The following PALM2AKAP2 variants were observed in gnomAD, a reference collection of about 807,000 sequenced individuals.
PALM2AKAP2 encodes PALM2 and AKAP2 fusion, also known as PALM2-AKAP2 fusion protein.
In PALM2AKAP2, 37 loss-of-function variants were observed where a neutral mutation model predicts 71.5. That is an observed-to-expected ratio of 0.52 (90% CI 0.40 to 0.68). The LOEUF (loss-of-function observed/expected upper bound fraction) is 0.68. Among genes scored for constraint, PALM2AKAP2 ranks in the 30% least tolerant of loss-of-function variants. The pLI is 0.00. For synonymous variants in PALM2AKAP2, 468 were observed against 478.8 expected (o/e 0.98, Z 0.29); for missense variants, 1,224 against 1,191.8 (o/e 1.03, Z -0.40).
chr9:109,796,233 A>ATTG (rs1827248459), intron 1 of PALM2AKAP2, among the ~76,000 whole-genome samples: 1 of 152,244 alleles, frequency 6.6e-6, no homozygotes. Context: ...ATATATAGTC[A>ATTG]GCAAAATATT....
intron 3 of PALM2AKAP2, among the ~76,000 whole-genome samples, chr9:109,917,833 G>A (rs933258715): frequency 6.6e-6 from 1 of 152,116 alleles, no homozygotes; most frequent in Non-Finnish European, 1.5e-5. Context: ...AGTCCCTTCG[G>A]ATCATTTTTA....
chr9:109,769,244 C>A (rs1829215804), intron 1 of PALM2AKAP2, among the ~76,000 whole-genome samples: 1 of 152,096 alleles, frequency 6.6e-6, no homozygotes, highest in South Asian at 2.1e-4. Flanking sequence ...ATATTCTTAG[C>A]AAATAAACGT....
At chr9:109,726,423 G>T (rs1301751170) in intron 1 of PALM2AKAP2, among the ~76,000 whole-genome samples, 1 of 152,250 alleles carries the variant, frequency 6.6e-6, no homozygotes, top group Non-Finnish European at 1.5e-5. Context: ...CAGTGGTGGG[G>T]CTGTTGTGTT....
chr9:109,864,301 G>C (rs1829389043), intron 1 of PALM2AKAP2, among the ~76,000 whole-genome samples: 1 of 152,214 alleles, frequency 6.6e-6, no homozygotes, highest in South Asian at 2.1e-4. Context: ...AATGGGCTCA[G>C]CCTTACTGCT....
chr9:109,884,077 G>T (rs1324199577), intron 3 of PALM2AKAP2, among the ~76,000 whole-genome samples: 1 of 152,218 alleles, frequency 6.6e-6, no homozygotes, highest in African/African-American at 2.4e-5. Context: ...GAATAATTCA[G>T]TTTTCCAGGA....
intron 1 of PALM2AKAP2, among the ~76,000 whole-genome samples, chr9:109,751,799 G>A (rs1296091575): frequency 6.6e-6 from 1 of 151,696 alleles, no homozygotes; most frequent in East Asian, 1.9e-4. Context: ...ATCCATCACC[G>A]AGTAAAGAGC....
intron 3 of PALM2AKAP2, 41 bp downstream of exon 10, chr9:110,162,173 G>A: frequency 2.5e-6 from 4 of 1,609,690 alleles, no homozygotes; most frequent in Non-Finnish European, 3.4e-6. Flanking sequence ...CTGAATGCAT[G>A]ATCCAGGTGC....
intron 3 of PALM2AKAP2, among the ~76,000 whole-genome samples, chr9:110,160,604 A>T (rs1439178321): frequency 6.6e-6 from 1 of 152,210 alleles, no homozygotes; most frequent in Admixed American, 6.5e-5. Context: ...ACATGACTGT[A>T]TTTAGGCAAA....
At chr9:109,998,930 C>T (rs908098976) in intron 6 of PALM2AKAP2, among the ~76,000 whole-genome samples, 1 of 152,062 alleles carries the variant, frequency 6.6e-6, no homozygotes, top group African/African-American at 2.4e-5. Flanking sequence ...AGCCTCGAGG[C>T]CCCTTCCACT....
chr9:110,116,458 G>A (rs531168872), intron 1 of PALM2AKAP2, among the ~76,000 whole-genome samples: 20 of 152,228 alleles, frequency 1.3e-4, no homozygotes, highest in Middle Eastern at 3.4e-3. Flanking sequence ...TTACTAGATT[G>A]ACTCTCCTGT....
upstream of PALM2AKAP2, among the ~76,000 whole-genome samples, chr9:109,779,914 G>A (rs544086234): frequency 4.1e-3 from 623 of 152,238 alleles, 4 homozygotes; most frequent in Admixed American, 4.5e-3. Context: ...GCATCTGCCC[G>A]GTGGAGGCGC....
chr9:109,719,841 A>G (rs1317481044), intron 1 of PALM2AKAP2, among the ~76,000 whole-genome samples: 1 of 152,178 alleles, frequency 6.6e-6, no homozygotes, highest in Non-Finnish European at 1.5e-5. Context: ...TTGATTTCTT[A>G]GGTAACAACT....
exon 3 of PALM2AKAP2, chr9:109,880,615 A>T: frequency 1.2e-6 from 2 of 1,613,936 alleles, no homozygotes; most frequent in Non-Finnish European, 1.7e-6. Context: ...GAAGAGGAGG[A>T]AGCCAGGAGG....
intron 6 of PALM2AKAP2, among the ~76,000 whole-genome samples, chr9:109,959,644 CAAAAAA>C (rs11441362): frequency 2.2e-5 from 2 of 90,668 alleles, no homozygotes; most frequent in Non-Finnish European, 4.6e-5. Flanking sequence ...GACTCCGTCT[CAAAAAA>C]AAAAAAAAAA....
upstream of PALM2AKAP2, among the ~76,000 whole-genome samples, chr9:109,777,614 C>A (rs185541018): frequency 4.0e-4 from 61 of 152,276 alleles, 2 homozygotes; most frequent in East Asian, 0.011. Context: ...AGCAGTCATT[C>A]CTCACCTCTT....
At chr9:109,807,787 C>T (rs1827621530) in intron 1 of PALM2AKAP2, among the ~76,000 whole-genome samples, 1 of 152,148 alleles carries the variant, frequency 6.6e-6, no homozygotes, top group African/African-American at 2.4e-5. Context: ...TTGTAGTTCC[C>T]ATAATCCCCA....
At chr9:109,691,138 C>T (rs1827877053) in intron 1 of PALM2AKAP2, among the ~76,000 whole-genome samples, 1 of 150,898 alleles carries the variant, frequency 6.6e-6, no homozygotes, top group African/African-American at 2.4e-5. Flanking sequence ...GTGCTTCGAT[C>T]TCTGAGAGGT....
chr9:109,743,360 G>A (rs1255797095), intron 1 of PALM2AKAP2, among the ~76,000 whole-genome samples: 3 of 151,670 alleles, frequency 2.0e-5, no homozygotes, highest in African/African-American at 4.8e-5. Flanking sequence ...AGACAATGAC[G>A]GTTAGGAGCA....
At chr9:110,095,553 G>A (rs1834816396) in intron 1 of PALM2AKAP2, among the ~76,000 whole-genome samples, 1 of 152,076 alleles carries the variant, frequency 6.6e-6, no homozygotes, top group African/African-American at 2.4e-5. Context: ...GGAATTTCAT[G>A]TGGACCCTCA....
Sources: gnomAD v4.1 joint callset for allele counts (sites outside exome capture counted in the v4.1 genomes callset) on GRCh38, gnomAD v4.1.1 for gene constraint, MANE v1.5 for transcripts, NCBI Gene and HGNC (gene_info 2026-07-23, HGNC 2026-07-21) for gene names.